The following TSNAX variants were observed in gnomAD, a reference collection of about 807,000 sequenced individuals.
TSNAX encodes translin associated factor X, also known as translin-associated protein X.
Under a neutral mutation model 33.0 loss-of-function variants are expected in TSNAX, and 12 were observed. The observed-to-expected ratio is 0.36, with a 90% CI of 0.23 to 0.59. The LOEUF is 0.59. Ranked by LOEUF, TSNAX falls within the 20% of genes least tolerant of loss-of-function variation. The pLI is 0.74. For synonymous variants in TSNAX, 110 were observed against 117.2 expected, an observed-to-expected ratio of 0.94 and a Z score of 0.40; for missense variants, 267 against 341.3, an observed-to-expected ratio of 0.78 and a Z score of 1.72.
chr1:231,552,297 C>A (rs1484110763), intron 4 of TSNAX, among the ~76,000 whole-genome samples: 2 of 151,062 alleles, frequency 1.3e-5, no homozygotes, highest in Non-Finnish European at 3.0e-5. Flanking sequence ...AGAAAAAAAA[C>A]CAAAACAAAC....
chr1:231,561,941 C>G (rs533575655), intron 5 of TSNAX, among the ~76,000 whole-genome samples: 5 of 152,302 alleles, frequency 3.3e-5, no homozygotes, highest in Admixed American at 3.3e-4. Flanking sequence ...AGCTGTTAAT[C>G]ATTTACTCAA....
rs529521003 is a variant in TSNAX, at chr1:231,561,027, T to C, written c.368-101T>C. On this transcript the variant is annotated intron_variant, in intron 4 of 5. Transcript: ENST00000366639. ...GCATTGTAGTAGGCATCCATTAAGC[T>C]TTTTTTTGAACTAGATGATGATCAA... is the stretch of plus-strand genomic sequence containing the variant. 9 of 1,143,220 alleles carry C rather than the reference T, an allele frequency of 7.9e-6. No individual in the cohort carries two copies. The East Asian group carries it at 1.6e-4, about 21-fold the overall frequency. 70.8% of individuals were successfully genotyped at this position (1,143,220 alleles called of 1,614,324 possible).
chr1:231,544,309 T>C (rs12066002), intron 4 of TSNAX, among the ~76,000 whole-genome samples: 1,984 of 152,338 alleles, frequency 0.013, 35 homozygotes, highest in African/African-American at 0.045. Flanking sequence ...AGAGTTTGAA[T>C]AACTTCCATA....
intron 4 of TSNAX, among the ~76,000 whole-genome samples, chr1:231,548,284 A>T (rs1660081209): frequency 6.6e-6 from 1 of 152,244 alleles, no homozygotes; most frequent in Non-Finnish European, 1.5e-5. Context: ...TATAAACCCT[A>T]CTATGTAAAC....
intron 5 of TSNAX, among the ~76,000 whole-genome samples, chr1:231,563,860 T>A (rs1661269221): frequency 6.6e-6 from 1 of 152,098 alleles, no homozygotes; most frequent in Non-Finnish European, 1.5e-5. Flanking sequence ...TAATGATAAG[T>A]AAAAGGATTG....
At chr1:231,545,449 T>G (rs1659840522) in intron 4 of TSNAX, among the ~76,000 whole-genome samples, 2 of 152,300 alleles carry the variant, frequency 1.3e-5, no homozygotes, top group Non-Finnish European at 2.9e-5. Context: ...TACACATTTC[T>G]TATCAGAGTA....
intron 2 of TSNAX, among the ~76,000 whole-genome samples, chr1:231,532,742 C>CT (rs1553265202): frequency 6.6e-6 from 1 of 152,026 alleles, no homozygotes; most frequent in Non-Finnish European, 1.5e-5. Flanking sequence ...CATTGTGAGA[C>CT]TAAGTAGTAA....
intron 4 of TSNAX, among the ~76,000 whole-genome samples, chr1:231,543,797 A>G (rs756725667): frequency 1.1e-4 from 16 of 152,210 alleles, no homozygotes; most frequent in Non-Finnish European, 1.9e-4. Context: ...ATATTACCAA[A>G]TGAAATACAG....
At position 231,537,354 on chromosome 1, in the gene TSNAX, A is replaced by G. The variant is rs777635720; in HGVS notation, c.236+27A>G. The G allele has an allele frequency of 3.6e-6, 5 of 1,372,336 alleles. No homozygotes were observed. The East Asian group carries it at 1.2e-4, about 32-fold the overall frequency. The allele number at this position is 1,372,336 out of a possible 1,614,324, so 85.0% of individuals were successfully genotyped here. A position where few individuals can be genotyped will look rare whatever the true frequency, so the allele number is the denominator to read the frequency against. ...TGAGTAAGCATCTTTAGAATTTATTACAGTTTGATACTAGCTATTAGAATA... is the reference window on the plus strand; with the variant it reads ...TGAGTAAGCATCTTTAGAATTTATTGCAGTTTGATACTAGCTATTAGAATA... On this transcript the variant is annotated intron_variant, in intron 3 of 5. Coordinates refer to ENST00000366639, the MANE Select transcript of TSNAX (RefSeq NM_005999.3).
chr1:231,546,960 G>A (rs1659956953), intron 4 of TSNAX, among the ~76,000 whole-genome samples: 1 of 152,200 alleles, frequency 6.6e-6, no homozygotes, highest in Non-Finnish European at 1.5e-5. Flanking sequence ...TTGTTGGCTA[G>A]TCACATGGCC....
At chr1:231,532,268 T>G (rs916673667) in intron 2 of TSNAX, among the ~76,000 whole-genome samples, 2 of 148,908 alleles carry the variant, frequency 1.3e-5, no homozygotes, top group African/African-American at 5.0e-5. Flanking sequence ...CTTGGCTCAC[T>G]GCAAGCGTAG....
chr1:231,552,552 GTACCAGAGAAATAGT>G (rs1660389367), intron 4 of TSNAX, among the ~76,000 whole-genome samples: 1 of 112,292 alleles, frequency 8.9e-6, no homozygotes, highest in South Asian at 2.6e-4. Flanking sequence ...AATTCATGTG[GTACCAGAGAAATAGT>G]TACAAGTGCA....
chr1:231,555,086 G>A (rs990191630), intron 4 of TSNAX, among the ~76,000 whole-genome samples: 5 of 152,132 alleles, frequency 3.3e-5, no homozygotes, highest in South Asian at 4.1e-4. Context: ...TTGAAAGCAC[G>A]ACTTGAACAG....
At chr1:231,556,434 G>A (rs980836271) in intron 4 of TSNAX, among the ~76,000 whole-genome samples, 2 of 152,178 alleles carry the variant, frequency 1.3e-5, no homozygotes, top group African/African-American at 2.4e-5. Context: ...CTGCAACAAG[G>A]CACTGCTGAA....
intron 5 of TSNAX, 27 bp from the exon 6 acceptor site, chr1:231,564,499 GTT>G (rs750107793): frequency 1.3e-5 from 19 of 1,490,630 alleles, no homozygotes; most frequent in Admixed American, 3.7e-5. Flanking sequence ...GTGTGTGTGT[GTT>G]TTTGTTTTGT....
chr1:231,557,220 CAA>C (rs1660751267), intron 4 of TSNAX, among the ~76,000 whole-genome samples: 1 of 151,982 alleles, frequency 6.6e-6, no homozygotes, highest in African/African-American at 2.4e-5. Context: ...TTAAGGGCAG[CAA>C]GGTTACTTGA....
At chr1:231,529,857 A>G (rs1033608476) in intron 2 of TSNAX, among the ~76,000 whole-genome samples, 1 of 152,150 alleles carries the variant, frequency 6.6e-6, no homozygotes, top group Non-Finnish European at 1.5e-5. Flanking sequence ...TTATTCCTCA[A>G]TTCAAAACAA....
At chr1:231,560,200 G>C (rs1002774170) in intron 4 of TSNAX, among the ~76,000 whole-genome samples, 7 of 151,040 alleles carry the variant, frequency 4.6e-5, no homozygotes, top group Middle Eastern at 3.4e-3. Context: ...AGGATGGTCT[G>C]GATCTCCTGA....
At chr1:231,554,930 A>G (rs1345970078) in intron 4 of TSNAX, among the ~76,000 whole-genome samples, 2 of 152,350 alleles carry the variant, frequency 1.3e-5, no homozygotes, top group East Asian at 3.9e-4. Flanking sequence ...AGTAATAGTC[A>G]CATAAGGTTA....
Sources: allele counts gnomAD v4.1 joint callset (sites outside exome capture counted in the v4.1 genomes callset), GRCh38; gene constraint gnomAD v4.1.1; transcripts MANE v1.5; gene names NCBI Gene and HGNC (gene_info 2026-07-23, HGNC 2026-07-21).